LAMA5: variants seen among roughly 807,000 people sequenced by gnomAD.
LAMA5 encodes laminin subunit alpha 5.
Under a neutral mutation model 433.4 loss-of-function variants are expected in LAMA5, and 260 were observed. The ratio of observed to expected loss-of-function variants is 0.60; its 90% CI spans 0.54 to 0.66. LAMA5 has a LOEUF of 0.66. LAMA5 is among the 30% of genes least tolerant of loss of function. LAMA5 has a pLI of 0.00. For missense variants in LAMA5, 5,378 were observed against 5,258.5 expected (o/e 1.02, Z -0.70); for synonymous variants, 2,620 against 2,226.6 (o/e 1.18, Z -4.97).
At chr20:62,337,536 A>G in intron 16 of LAMA5, 54 bp downstream of exon 16, 2 of 1,556,544 alleles carry the variant, frequency 1.3e-6, no homozygotes, top group Non-Finnish European at 1.7e-6. Flanking sequence ...TGTGAACAGC[A>G]CAGACCCACA....
chr20:62,331,537 G>A (rs1980461837), intron 28 of LAMA5, among the ~76,000 whole-genome samples: 1 of 152,000 alleles, frequency 6.6e-6, no homozygotes, highest in African/African-American at 2.4e-5. Flanking sequence ...ATCCGTCACT[G>A]TTCCCCCACT....
chr20:62,363,332 A>G (rs947493883), intron 1 of LAMA5, among the ~76,000 whole-genome samples: 4 of 152,162 alleles, frequency 2.6e-5, no homozygotes, highest in African/African-American at 4.8e-5. Flanking sequence ...CTGAGCCTCA[A>G]TGTCCCCATC....
chr20:62,341,572 G>GTCACCAC lies in LAMA5; in HGVS notation c.1478-2971_1478-2965dup, dbSNP rs200714184. On this transcript the variant is annotated intron_variant, in intron 11 of 79. Coordinates refer to ENST00000252999, the MANE Select transcript of LAMA5 (RefSeq NM_005560.6). Reference sequence around the variant, plus strand: ...CATCGAATGCTTCCTGTGCATCAAAGTCACCACTGGCTGAGAACCACTGCT... The same window carrying GTCACCAC: ...CATCGAATGCTTCCTGTGCATCAAAGTCACCACTCACCACTGGCTGAGAACCACTGCT... 9.2e-3 allele frequency among the ~76,000 whole-genome samples: 1,408 copies of GTCACCAC among 152,302 alleles called. 20 individuals are homozygous for GTCACCAC. Among genetic ancestry groups the GTCACCAC allele is most frequent in the African/African-American group, 0.032 (1,319 of 41,546 alleles).
chr20:62,367,216 T>G lies in LAMA5; in HGVS notation c.30A>C (p.Ala10=). The change falls in exon 1 of 80, where the codon GCA becomes GCC. Residue 10 remains alanine (A), a synonymous_variant. Coordinates refer to ENST00000252999, the MANE Select transcript of LAMA5 (RefSeq NM_005560.6). MAKRLCAGS[A]LCVRGPRGPA... is the part of the protein sequence containing the mutation. ...GGCCCCGGGGGCCGCGAACACACAGTGCGCTCCCCGCGCAGAGCCGCTTCG... is the reference window on the plus strand; with the variant it reads ...GGCCCCGGGGGCCGCGAACACACAGGGCGCTCCCCGCGCAGAGCCGCTTCG... 9.9e-6 allele frequency: 12 copies of G among 1,210,022 alleles called. No homozygotes were observed. The highest frequency in any genetic ancestry group is 1.2e-5 in the Non-Finnish European group (12 of 974,840). 75.0% of individuals were successfully genotyped at this position (1,210,022 alleles called of 1,614,324 possible). A position where few individuals can be genotyped will look rare whatever the true frequency, so the allele number is the denominator to read the frequency against.
intron 11 of LAMA5, 160 bp downstream of exon 11, chr20:62,345,658 G>C (rs562045122): frequency 3.1e-6 from 2 of 646,186 alleles, no homozygotes; most frequent in Admixed American, 5.4e-5. Flanking sequence ...CTATATTTCC[G>C]AAGGTTTTCC....
chr20:62,314,222 G>A, intron 62 of LAMA5, 82 bp downstream of exon 62: 3 of 1,508,690 alleles, frequency 2.0e-6, no homozygotes, highest in South Asian at 1.2e-5. Flanking sequence ...AGGGTGGTGG[G>A]TGCACACGGA....
In LAMA5 at chr20:62,311,046, G is replaced by C; in HGVS notation, c.10137C>G (p.Leu3379=). ...HVLPRSSRGL[L]LFTARLRPGS... ...CGGGCCTCAGACGGGCAGTGAAGAG[G>C]AGGAGGCCTCGGGAGCTTCGCGGGA... The change falls in exon 74 of 80, where the codon CTC becomes CTG. Residue 3379 remains leucine (L), a synonymous_variant. Transcript: ENST00000252999. 6.2e-7 allele frequency: 1 copy of C among 1,605,854 alleles called. No homozygotes were observed. The highest frequency in any genetic ancestry group is 8.5e-7 in the Non-Finnish European group (1 of 1,176,340).
At chr20:62,355,091 T>A (rs1413276900) in intron 2 of LAMA5, among the ~76,000 whole-genome samples, 2 of 152,120 alleles carry the variant, frequency 1.3e-5, no homozygotes, top group African/African-American at 2.4e-5. Flanking sequence ...TCAGCCCAAC[T>A]CTTTGTGGGC....
intron 78 of LAMA5, 42 bp downstream of exon 78, chr20:62,309,946 G>T (rs1177714196): frequency 2.5e-6 from 4 of 1,606,086 alleles, no homozygotes; most frequent in South Asian, 1.1e-5. Flanking sequence ...TCTGCAGAAG[G>T]GTGGGGGTGG....
intron 39 of LAMA5, 37 bp from the exon 40 acceptor site, chr20:62,326,797 G>T: frequency 1.2e-6 from 2 of 1,604,506 alleles, no homozygotes; most frequent in Non-Finnish European, 1.7e-6. Context: ...GTTGGCACGG[G>T]CCTGGACCAC....
chr20:62,331,992 C>T (rs1414450075), intron 28 of LAMA5, among the ~76,000 whole-genome samples: 2 of 151,128 alleles, frequency 1.3e-5, no homozygotes, highest in Admixed American at 1.3e-4. Context: ...GTGGAGGTTG[C>T]AGTGAGCCAA....
intron 28 of LAMA5, 70 bp downstream of exon 28, chr20:62,332,302 C>T (rs2146197496): frequency 8.9e-7 from 1 of 1,120,078 alleles, no homozygotes; most frequent in Non-Finnish European, 1.4e-6. Flanking sequence ...TGTCCTCTCC[C>T]CTCTCATGCA....
chr20:62,309,441 G>C lies in LAMA5; in HGVS notation c.10983C>G (p.Tyr3661Ter), dbSNP rs776240725. 1 of 1,584,296 alleles carries C rather than the reference G, an allele frequency of 6.3e-7. No homozygotes were observed. The highest frequency in any genetic ancestry group is 8.5e-7 in the Non-Finnish European group (1 of 1,174,520). The change falls in exon 80 of 80, where the codon TAC becomes TAG. Residue 3661 changes from tyrosine to a stop codon, truncating the protein, a stop_gained. Transcript: ENST00000252999. LOFTEE classifies it low-confidence loss of function (END_TRUNC). ...PMAVQPWPPA[Y>*]CGCMRRLAVN... ...CCGCCAGCCTCCTCATGCAGCCGCA[G>C]TAGGCGGGGGGCCAGGGCTGCACGG...
intron 1 of LAMA5, among the ~76,000 whole-genome samples, chr20:62,363,612 G>A (rs922547829): frequency 2.6e-5 from 4 of 152,122 alleles, no homozygotes; most frequent in African/African-American, 7.2e-5. Flanking sequence ...AACCAGATCT[G>A]CTGTTTGTCC....
At chr20:62,326,815 C>T (rs749101850) in intron 39 of LAMA5, 50 bp downstream of exon 39, 2 of 1,599,254 alleles carry the variant, frequency 1.3e-6, no homozygotes, top group South Asian at 1.1e-5. Context: ...CACGGTGCCA[C>T]TGCGCCACGC....
rs560797867 is a variant in LAMA5, at chr20:62,328,550, G to GA, written c.4448-106dup. 1.6e-3 allele frequency: 1,950 copies of GA among 1,238,108 alleles called. 12 individuals carry two copies. Among genetic ancestry groups the GA allele is most frequent in the Middle Eastern group, 4.6e-3 (16 of 3,506 alleles). 76.7% of individuals were successfully genotyped at this position (1,238,108 alleles called of 1,614,324 possible). On this transcript the variant is annotated intron_variant, in intron 34 of 79. Coordinates refer to ENST00000252999, the MANE Select transcript of LAMA5 (RefSeq NM_005560.6). ...ATGTGGCAGTGTGACGGGGGCGGGG[G>GA]AGACAAGAACAGGGACCCCTGCCCC...
Position 62,313,023 on chromosome 20 carries a change from G to A in LAMA5, c.8956-13C>T, listed in dbSNP as rs200066739. 191 of 1,588,454 alleles carry A rather than the reference G, an allele frequency of 1.2e-4. No homozygotes were observed. The African/African-American group carries it at 2.2e-3, about 18-fold the overall frequency. On this transcript the variant is annotated splice_polypyrimidine_tract_variant and intron_variant, in intron 65 of 79. Transcript: ENST00000252999. ...ACAGGAACTGGCTCTGCAGAAACAGGGCAGGGTTAGTGTGGGGCAGGGTCA... is the reference window on the plus strand; with the variant it reads ...ACAGGAACTGGCTCTGCAGAAACAGAGCAGGGTTAGTGTGGGGCAGGGTCA...
At chr20:62,317,110 T>G in intron 55 of LAMA5, 87 bp from the exon 56 acceptor site, 2 of 1,391,500 alleles carry the variant, frequency 1.4e-6, no homozygotes, top group South Asian at 3.0e-5. Flanking sequence ...CAACCAGCCG[T>G]GCCCGTGCCT....
At chr20:62,350,579 C>T (rs1984140716) in intron 6 of LAMA5, among the ~76,000 whole-genome samples, 3 of 152,186 alleles carry the variant, frequency 2.0e-5, no homozygotes, top group Admixed American at 6.5e-5. Context: ...AAGGCAAGGG[C>T]GGGTCCCAAA....
Sources: allele counts gnomAD v4.1 joint callset (sites outside exome capture counted in the v4.1 genomes callset), GRCh38; gene constraint gnomAD v4.1.1; transcripts MANE v1.5; gene names NCBI Gene and HGNC (gene_info 2026-07-23, HGNC 2026-07-21).